The following DZANK1 variants were observed in gnomAD, a reference collection of about 807,000 sequenced individuals.
DZANK1 encodes the protein double zinc ribbon and ankyrin repeat-containing protein 1.
DZANK1 carries 91 observed loss-of-function variants against 94.5 expected under a neutral mutation model. That is an observed-to-expected ratio of 0.96 (90% CI 0.81 to 1.15). DZANK1 has a LOEUF of 1.15. DZANK1 is among the 50% of genes most tolerant of loss of function. The pLI is 0.00. For synonymous variants in DZANK1, 312 were observed against 325.3 expected, an observed-to-expected ratio of 0.96 and a Z score of 0.44; for missense variants, 903 against 916.4, an observed-to-expected ratio of 0.99 and a Z score of 0.19.
At chr20:18,428,696 C>G (rs2058160693) in intron 9 of DZANK1, 1 of 152,238 alleles carries the variant, frequency 6.6e-6, no homozygotes, top group Non-Finnish European at 1.5e-5. Flanking sequence ...TAGTCCAGCA[C>G]TGCGGTCCCT....
At chr20:18,397,318 T>C (rs1364334784) in intron 14 of DZANK1, among the ~76,000 whole-genome samples, 1 of 152,090 alleles carries the variant, frequency 6.6e-6, no homozygotes, top group East Asian at 1.9e-4. Flanking sequence ...AGCAGAAGAG[T>C]ACACAGCCTA....
At chr20:18,402,217 A>G (rs2056721670) in intron 13 of DZANK1, among the ~76,000 whole-genome samples, 1 of 152,150 alleles carries the variant, frequency 6.6e-6, no homozygotes, top group Non-Finnish European at 1.5e-5. Flanking sequence ...GGTGACCATC[A>G]GGTGATGGTC....
At chr20:18,384,127 T>C (rs1409306232) in exon 21 of DZANK1, 2 of 246,748 alleles carry the variant, frequency 8.1e-6, no homozygotes, top group East Asian at 1.8e-4. Context: ...TGGCGCGATC[T>C]TGGCTCACTG....
exon 11 of DZANK1, chr20:18,415,441 G>A: frequency 1.3e-6 from 2 of 1,523,422 alleles, no homozygotes; most frequent in Non-Finnish European, 1.8e-6. Context: ...TATCCCCACT[G>A]CACATCGACT....
At chr20:18,410,032 C>CA (rs33981503) in intron 13 of DZANK1, among the ~76,000 whole-genome samples, 1,332 of 89,318 alleles carry the variant, frequency 0.015, 15 homozygotes, top group African/African-American at 0.034. Context: ...GACTCCGTCT[C>CA]AAAAAAAAAA....
Position 18,449,167 on chromosome 20 carries a change from G to A in DZANK1, c.544-98C>T, listed in dbSNP as rs1214175918. The A allele has an allele frequency of 4.2e-6, 4 of 957,502 alleles. No individual in the cohort carries two copies. In the East Asian group the frequency reaches 9.7e-5, roughly 23 times the overall value. 59.3% of individuals were successfully genotyped at this position (957,502 alleles called of 1,614,324 possible). On this transcript the variant is annotated intron_variant, in intron 6 of 20. Coordinates refer to ENST00000262547, the Ensembl canonical transcript of DZANK1. ...AAAATTCCATTAAAAATCATTATGG[G>A]TGAATACACATAGACATATAAAGAG...
intron 13 of DZANK1, among the ~76,000 whole-genome samples, chr20:18,410,723 G>T (rs1050623774): frequency 6.6e-6 from 1 of 152,174 alleles, no homozygotes; most frequent in Non-Finnish European, 1.5e-5. Context: ...AAGGTGGGAG[G>T]CTTCCTTGAC....
chr20:18,386,924 G>C (rs777893752), intron 19 of DZANK1, among the ~76,000 whole-genome samples: 1 of 152,168 alleles, frequency 6.6e-6, no homozygotes, highest in Non-Finnish European at 1.5e-5. Context: ...AATGTTCATG[G>C]GCTATGCTGT....
intron 10 of DZANK1, among the ~76,000 whole-genome samples, chr20:18,418,472 C>A (rs1293713136): frequency 6.6e-6 from 1 of 152,164 alleles, no homozygotes; most frequent in African/African-American, 2.4e-5. Context: ...ACCAAACTTT[C>A]TGTCCCTCCT....
intron 6 of DZANK1, chr20:18,452,112 C>A: frequency 3.0e-6 from 1 of 336,984 alleles, no homozygotes; most frequent in Non-Finnish European, 5.7e-6. Flanking sequence ...CCACATCAGA[C>A]CAATTAAATC....
chr20:18,385,058 A>G (rs1017373773), exon 20 of DZANK1: 7 of 1,553,486 alleles, frequency 4.5e-6, no homozygotes, highest in Non-Finnish European at 5.2e-6. Flanking sequence ...AAGGCCAAGC[A>G]GAGTTGCTTC....
At position 18,466,425 on chromosome 20, in the gene DZANK1, T is replaced by A. The variant is rs150880979; in HGVS notation, c.-20+571A>T. On this transcript the variant is annotated intron_variant, in intron 1 of 20. Coordinates refer to ENST00000262547, the Ensembl canonical transcript of DZANK1. ...ACTGTATTCTCAAAAATGGGGTACC[T>A]AAATTTAAGGGGTGAACTTAATGCC... is the stretch of plus-strand genomic sequence containing the variant. 4.8e-3 allele frequency among the ~76,000 whole-genome samples: 727 copies of A among 152,340 alleles called. 12 individuals carry two copies. The highest frequency in any genetic ancestry group is 0.038 in the Admixed American group (581 of 15,300).
At position 18,412,643 on chromosome 20, in the gene DZANK1, T is replaced by A; in HGVS notation, c.1432+3A>T. The A allele has an allele frequency of 6.2e-7, 1 of 1,612,390 alleles. No individual in the cohort carries two copies. The highest frequency in any genetic ancestry group is 8.5e-7 in the Non-Finnish European group (1 of 1,179,634). On this transcript the variant is annotated splice_donor_region_variant and intron_variant, in intron 13 of 20. Transcript: ENST00000262547. The stretch of plus-strand genomic sequence containing the variant: ...CCAGAAGAAAGGGCATCCTCCCCCT[T>A]ACCTCTTCCTGGGCTGATGGCTGTC...
chr20:18,460,090 A>G (rs953670521), intron 3 of DZANK1, 63 bp downstream of exon 3: 9 of 1,207,174 alleles, frequency 7.5e-6, no homozygotes, highest in African/African-American at 1.5e-5. Flanking sequence ...GAAAAAATGA[A>G]TAAAATTAGA....
chr20:18,390,041 C>A (rs1467786514), intron 18 of DZANK1, among the ~76,000 whole-genome samples: 2 of 152,136 alleles, frequency 1.3e-5, no homozygotes, highest in Non-Finnish European at 2.9e-5. Context: ...CTGTTCCCCA[C>A]ATGGGCGGGG....
At chr20:18,398,607 C>T (rs1226835676) in exon 14 of DZANK1, 1 of 1,613,872 alleles carries the variant, frequency 6.2e-7, no homozygotes, top group Non-Finnish European at 8.5e-7. Flanking sequence ...AGATGTGATC[C>T]AGCTGTCTTC....
intron 13 of DZANK1, among the ~76,000 whole-genome samples, chr20:18,409,367 C>T (rs761588738): frequency 9.9e-5 from 15 of 152,150 alleles, no homozygotes; most frequent in Non-Finnish European, 1.8e-4. Flanking sequence ...TCAGAAATAA[C>T]GGAGGCCAGA....
intron 14 of DZANK1, among the ~76,000 whole-genome samples, chr20:18,397,243 T>C (rs1445767640): frequency 6.6e-6 from 1 of 152,162 alleles, no homozygotes; most frequent in East Asian, 1.9e-4. Context: ...ACTACCAAAA[T>C]AGATTATCAA....
intron 8 of DZANK1, among the ~76,000 whole-genome samples, chr20:18,440,328 A>C (rs1232999519): frequency 2.0e-5 from 3 of 152,156 alleles, no homozygotes; most frequent in Admixed American, 6.5e-5. Flanking sequence ...GCAGTCAACC[A>C]AGCAAGCTGT....
Sources: allele counts gnomAD v4.1 joint callset (sites outside exome capture counted in the v4.1 genomes callset), GRCh38; gene constraint gnomAD v4.1.1; transcripts MANE v1.5; gene names NCBI Gene and HGNC (gene_info 2026-07-23, HGNC 2026-07-21).